Variants in SYNPR observed in about 807,000 individuals in gnomAD.
SYNPR encodes the protein synaptoporin.
Under a neutral mutation model 32.9 loss-of-function variants are expected in SYNPR, and 23 were observed. The observed-to-expected ratio is 0.70, with a 90% CI of 0.50 to 0.99. The LOEUF is 0.99. SYNPR is among the 50% of genes least tolerant of loss of function. The pLI is 0.00. For synonymous variants in SYNPR, 146 were observed against 135.9 expected (o/e 1.07, Z -0.52); for missense variants, 318 against 349.3 (o/e 0.91, Z 0.71).
the SYNPR span, among the ~76,000 whole-genome samples, chr3:63,220,877 T>G: frequency 2.0e-5 from 3 of 152,238 alleles, no homozygotes; most frequent in East Asian, 5.8e-4. Flanking sequence ...CTGCTTCTTC[T>G]GTCATAACTT....
chr3:63,398,307 G>A (rs72883748), intron 2 of SYNPR, among the ~76,000 whole-genome samples: 18,277 of 152,170 alleles, frequency 0.12, 1,243 homozygotes, highest in East Asian at 0.19. Flanking sequence ...GGAAGTAAAA[G>A]CAAATGGAAT....
In SYNPR at chr3:63,297,735, C is replaced by A. The variant is rs536566619; in HGVS notation, c.84+18993C>A. Among the ~76,000 whole-genome samples the A allele has an allele frequency of 1.5e-3, 224 of 152,136 alleles. 1 individual carries two copies. Among genetic ancestry groups the A allele is most frequent in the Middle Eastern group, 3.4e-3 (1 of 294 alleles). ...GGGTTTTTATGAATAATTTGGTGGG[C>A]AGGGGGCTAGGGAATGGGTGCTGCT... On this transcript the variant is annotated intron_variant, in intron 2 of 5. Coordinates refer to ENST00000478300, the MANE Select transcript of SYNPR (RefSeq NM_001130003.2).
intron 3 of SYNPR, among the ~76,000 whole-genome samples, chr3:63,521,676 G>A (rs541074193): frequency 1.3e-5 from 2 of 152,276 alleles, no homozygotes; most frequent in South Asian, 4.1e-4. Flanking sequence ...ATGCAAAGTG[G>A]TTCAGGAAAC....
chr3:63,490,318 A>G (rs1257619096), intron 3 of SYNPR, among the ~76,000 whole-genome samples: 2 of 152,134 alleles, frequency 1.3e-5, no homozygotes, highest in African/African-American at 4.8e-5. Context: ...CAGAGGCTGG[A>G]TCCTGTAGGG....
intron 2 of SYNPR, among the ~76,000 whole-genome samples, chr3:63,439,468 A>G (rs1030718486): frequency 3.3e-5 from 5 of 152,238 alleles, no homozygotes; most frequent in African/African-American, 1.2e-4. Context: ...TGTCTGAGCT[A>G]TCTGATAAAT....
the SYNPR span, among the ~76,000 whole-genome samples, chr3:63,207,203 G>T: frequency 6.6e-6 from 1 of 152,192 alleles, no homozygotes; most frequent in African/African-American, 2.4e-5. Flanking sequence ...AAGGCTGGAG[G>T]ATCAACAAAT....
intron 2 of SYNPR, among the ~76,000 whole-genome samples, chr3:63,343,834 A>G (rs1298491352): frequency 6.6e-6 from 1 of 152,262 alleles, no homozygotes; most frequent in African/African-American, 2.4e-5. Flanking sequence ...TTAATGTGCT[A>G]CAGATGTCTG....
intron 2 of SYNPR, among the ~76,000 whole-genome samples, chr3:63,433,915 A>T (rs1034470341): frequency 2.6e-5 from 4 of 152,150 alleles, no homozygotes; most frequent in African/African-American, 7.2e-5. Flanking sequence ...AATGCCCCAG[A>T]TCCCTTTAGA....
intron 2 of SYNPR, among the ~76,000 whole-genome samples, chr3:63,460,333 C>T (rs894773109): frequency 2.0e-5 from 3 of 151,928 alleles, no homozygotes; most frequent in Non-Finnish European, 4.4e-5. Context: ...TTACATGTAC[C>T]GTAATTTCCA....
At chr3:63,398,761 C>A (rs1320715475) in intron 2 of SYNPR, among the ~76,000 whole-genome samples, 3 of 151,772 alleles carry the variant, frequency 2.0e-5, no homozygotes, top group Non-Finnish European at 4.4e-5. Flanking sequence ...GGAATGTATT[C>A]AGAAGATAAC....
At chr3:63,461,798 TC>T (rs1019024754) in intron 2 of SYNPR, among the ~76,000 whole-genome samples, 1 of 151,818 alleles carries the variant, frequency 6.6e-6, no homozygotes, top group African/African-American at 2.4e-5. Flanking sequence ...AACCTCAGTT[TC>T]CCCAGCCGTA....
chr3:63,432,824 G>A (rs1485091197), intron 2 of SYNPR, among the ~76,000 whole-genome samples: 1 of 152,188 alleles, frequency 6.6e-6, no homozygotes, highest in Non-Finnish European at 1.5e-5. Context: ...AGTTATGGTG[G>A]CCTTCTTCAT....
chr3:63,355,860 C>T (rs753568814), intron 2 of SYNPR, among the ~76,000 whole-genome samples: 62 of 152,330 alleles, frequency 4.1e-4, no homozygotes, highest in Non-Finnish European at 2.6e-4. Context: ...TCATTGCACA[C>T]GTTCTCTTAA....
intron 3 of SYNPR, among the ~76,000 whole-genome samples, chr3:63,504,046 C>T (rs1236611286): frequency 3.3e-5 from 5 of 152,090 alleles, no homozygotes; most frequent in Admixed American, 6.6e-5. Flanking sequence ...TTCATACGCA[C>T]ATTTCCAAAT....
chr3:63,532,268 C>A (rs764713967), intron 3 of SYNPR, among the ~76,000 whole-genome samples: 1 of 152,104 alleles, frequency 6.6e-6, no homozygotes, highest in Non-Finnish European at 1.5e-5. Context: ...GGCATTGTCA[C>A]CTAGCTACAC....
chr3:63,607,418 C>A (rs1700140268), intron 4 of SYNPR, among the ~76,000 whole-genome samples: 1 of 152,110 alleles, frequency 6.6e-6, no homozygotes, highest in African/African-American at 2.4e-5. Context: ...ACTTGAGTTT[C>A]TTTATTCCAA....
chr3:63,589,365 C>G (rs1476232430), intron 4 of SYNPR, among the ~76,000 whole-genome samples: 1 of 152,110 alleles, frequency 6.6e-6, no homozygotes, highest in African/African-American at 2.4e-5. Flanking sequence ...ACAGCTCTCT[C>G]TTCTACCAGA....
upstream of SYNPR, among the ~76,000 whole-genome samples, chr3:63,277,350 G>T (rs1253373362): frequency 6.6e-6 from 1 of 152,140 alleles, no homozygotes; most frequent in African/African-American, 2.4e-5. Flanking sequence ...TTGTTTGGTT[G>T]TTGTTGTTTT....
intron 2 of SYNPR, among the ~76,000 whole-genome samples, chr3:63,359,456 C>T (rs929581707): frequency 2.0e-5 from 3 of 152,206 alleles, no homozygotes; most frequent in Admixed American, 6.5e-5. Flanking sequence ...CACTGTGCTA[C>T]CAGAAAATAA....
Sources: gnomAD v4.1 joint callset for allele counts (sites outside exome capture counted in the v4.1 genomes callset) on GRCh38, gnomAD v4.1.1 for gene constraint, MANE v1.5 for transcripts, NCBI Gene and HGNC (gene_info 2026-07-23, HGNC 2026-07-21) for gene names.